TLE1: variants seen among roughly 807,000 people sequenced by gnomAD.
TLE1 encodes the protein TLE family member 1, transcriptional corepressor.
In TLE1, 21 loss-of-function variants were observed where a neutral mutation model predicts 89.8. That is an observed-to-expected ratio of 0.23 (90% confidence interval 0.17 to 0.34). TLE1 has a LOEUF of 0.34. Ranked by LOEUF, TLE1 falls within the 10% of genes least tolerant of loss-of-function variation. TLE1 has a pLI of 1.00. For synonymous variants in TLE1, 447 were observed against 407.6 expected, an observed-to-expected ratio of 1.10 and a Z score of -1.16; for missense variants, 795 against 1,031.2, an observed-to-expected ratio of 0.77 and a Z score of 3.14.
At chr9:81,629,688 C>T (rs1198997064) in intron 8 of TLE1, among the ~76,000 whole-genome samples, 1 of 152,208 alleles carries the variant, frequency 6.6e-6, no homozygotes, top group East Asian at 1.9e-4. Context: ...CACACCTAGG[C>T]TACTGCTCCT....
intron 8 of TLE1, chr9:81,620,858 A>T (rs1178875967): frequency 1.2e-6 from 1 of 829,200 alleles, no homozygotes; most frequent in Non-Finnish European, 1.8e-6. Flanking sequence ...TTGTATGTGG[A>T]TGTGTTTTTA....
At position 81,687,507 on chromosome 9, in the gene TLE1, G is replaced by A. The variant is rs563401075; in HGVS notation, c.25-73C>T. The A allele has an allele frequency of 2.4e-4, 279 of 1,139,258 alleles. 1 individual carries two copies. Among genetic ancestry groups the A allele is most frequent in the Middle Eastern group, 4.0e-4 (2 of 5,026 alleles). The allele number at this position is 1,139,258 out of a possible 1,614,324, so 70.6% of individuals were successfully genotyped here. On this transcript the variant is annotated intron_variant, in intron 1 of 19. Transcript: ENST00000376499. ...TGAATAAAGCAGTAAGTCAGAGAAGGCAAGAACGGGTGGGACATAAACATA... is the reference window on the plus strand; with the variant it reads ...TGAATAAAGCAGTAAGTCAGAGAAGACAAGAACGGGTGGGACATAAACATA...
chr9:81,679,268 T>C (rs1266230136), intron 4 of TLE1, among the ~76,000 whole-genome samples: 3 of 152,104 alleles, frequency 2.0e-5, no homozygotes, highest in Middle Eastern at 6.8e-3. Flanking sequence ...GGTGACTGGG[T>C]AGTCTACAAA....
chr9:81,689,200 G>A lies in TLE1; in HGVS notation c.-960C>T, dbSNP rs1272724635. The A allele has an allele frequency of 2.0e-5, 3 of 152,280 alleles. No individual in the cohort carries two copies. Among genetic ancestry groups the A allele is most frequent in the Non-Finnish European group, 4.4e-5 (3 of 68,084 alleles). 9.4% of individuals were successfully genotyped at this position (152,280 alleles called of 1,614,324 possible). ...GTGCTTCTCCGCAAAGGGCGCTCCA[G>A]CCCACTGCAAAGTTCTCTCACCACC... On this transcript the variant is annotated 5_prime_UTR_variant, in exon 1 of 20. Transcript: ENST00000376499.
intron 14 of TLE1, among the ~76,000 whole-genome samples, chr9:81,606,442 T>TA (rs1003312298): frequency 3.2e-4 from 49 of 152,164 alleles, no homozygotes; most frequent in African/African-American, 1.1e-3. Context: ...TATGCAGCCA[T>TA]AAAAAAGGAT....
At chr9:81,606,811 A>G (rs1261001041) in intron 14 of TLE1, among the ~76,000 whole-genome samples, 1 of 150,958 alleles carries the variant, frequency 6.6e-6, no homozygotes, top group Non-Finnish European at 1.5e-5. Context: ...ATAGAGAGAG[A>G]GGCAGTAAGA....
intron 8 of TLE1, among the ~76,000 whole-genome samples, chr9:81,632,741 G>A (rs1232971711): frequency 6.6e-6 from 1 of 151,342 alleles, no homozygotes; most frequent in Non-Finnish European, 1.5e-5. Context: ...CCTGTCCACT[G>A]AATTTCCTTC....
intron 4 of TLE1, among the ~76,000 whole-genome samples, chr9:81,667,961 C>T (rs981567661): frequency 1.4e-4 from 21 of 151,998 alleles, no homozygotes; most frequent in African/African-American, 4.8e-4. Context: ...GCCAAGAGTT[C>T]GAGATCAGCC....
At chr9:81,671,749 T>C (rs1414053407) in intron 4 of TLE1, among the ~76,000 whole-genome samples, 2 of 152,218 alleles carry the variant, frequency 1.3e-5, no homozygotes, top group African/African-American at 2.4e-5. Flanking sequence ...ATAAATATCA[T>C]AGCATCTAGG....
intron 2 of TLE1, 49 bp from the exon 3 acceptor site, chr9:81,685,945 T>G (rs2133181047): frequency 1.3e-6 from 2 of 1,595,818 alleles, no homozygotes; most frequent in Non-Finnish European, 1.7e-6. Context: ...GTCACTTGTT[T>G]TAACATCTGC....
intron 8 of TLE1, among the ~76,000 whole-genome samples, chr9:81,633,002 C>T (rs1412793238): frequency 1.3e-5 from 2 of 152,060 alleles, no homozygotes; most frequent in African/African-American, 4.8e-5. Context: ...TACAGTCAAC[C>T]AGACTTAGAA....
Position 81,611,932 on chromosome 9 carries a change from A to C in TLE1, c.1091T>G (p.Val364Gly). Reference protein sequence around the residue: ...AAAGLRTPLAVPGPYPAPFGM... With the variant: ...AAAGLRTPLAGPGPYPAPFGM... ...AAAAGGAGCAGGATATGGGCCGGGCACTGCCAGGGGTGTCCTCAAGCCAGC... is the reference window on the plus strand; with the variant it reads ...AAAAGGAGCAGGATATGGGCCGGGCCCTGCCAGGGGTGTCCTCAAGCCAGC... The change falls in exon 13 of 20, where the codon GTG (valine) becomes GGG (glycine). Residue 364 changes from valine to glycine, a missense_variant. Physicochemically the swap from Val to Gly is moderately radical, Grantham distance 109 (BLOSUM62 -3). Around this residue, in one of 4 missense-constraint regions of TLE1, gnomAD observed 468 missense variants for 509.1 expected, o/e 0.92. Transcript: ENST00000376499. 6.7e-7 allele frequency: 1 copy of C among 1,489,476 alleles called. No homozygotes were observed. Among genetic ancestry groups the C allele is most frequent in the Non-Finnish European group, 8.9e-7 (1 of 1,122,054 alleles). 92.3% of individuals were successfully genotyped at this position (1,489,476 alleles called of 1,614,324 possible).
chr9:81,609,190 T>C (rs1424866346), intron 14 of TLE1, among the ~76,000 whole-genome samples: 1 of 151,926 alleles, frequency 6.6e-6, no homozygotes, highest in Non-Finnish European at 1.5e-5. Context: ...GTTCAAGCGA[T>C]TCTCTGGTCT....
At chr9:81,681,491 A>G (rs1225937164) in intron 4 of TLE1, among the ~76,000 whole-genome samples, 1 of 151,744 alleles carries the variant, frequency 6.6e-6, no homozygotes, top group Non-Finnish European at 1.5e-5. Context: ...CGGAGGTTGC[A>G]GTGAGCCGAG....
At position 81,613,414 on chromosome 9, in the gene TLE1, G is replaced by GC. The variant is rs1563969473; in HGVS notation, c.1025dup (p.Lys343GlnfsTer10). The GC allele has an allele frequency of 6.2e-7, 1 of 1,614,104 alleles. No homozygotes were observed. Among genetic ancestry groups the GC allele is most frequent in the Non-Finnish European group, 8.5e-7 (1 of 1,179,966 alleles). On this transcript the variant is annotated frameshift_variant, in exon 12 of 20. Coordinates refer to ENST00000376499, the MANE Select transcript of TLE1 (RefSeq NM_005077.5). LOFTEE classifies it high-confidence loss of function. The stretch of plus-strand genomic sequence containing the variant: ...CGAGGGGGTCTATGGCTGGAGGCTT[G>GC]CCGAGACCTGGACGGAGGCCTGGAG...
intron 8 of TLE1, chr9:81,620,999 G>T (rs78255581): frequency 7.5e-6 from 3 of 397,776 alleles, no homozygotes; most frequent in Admixed American, 6.3e-5. Context: ...CAAAGGAAGC[G>T]GTGGGATTAA....
At chr9:81,655,852 C>CAA (rs5898754) in intron 4 of TLE1, among the ~76,000 whole-genome samples, 11 of 127,020 alleles carry the variant, frequency 8.7e-5, no homozygotes, top group East Asian at 4.9e-4. Context: ...GACCCTGTCT[C>CAA]AAAAAAAAAA....
chr9:81,675,280 T>G (rs1832732495), intron 4 of TLE1, among the ~76,000 whole-genome samples: 1 of 152,118 alleles, frequency 6.6e-6, no homozygotes, highest in Non-Finnish European at 1.5e-5. Context: ...AATTTGAAAT[T>G]TTTCATAATA....
chr9:81,669,417 C>G (rs1167027370), intron 4 of TLE1, among the ~76,000 whole-genome samples: 1 of 152,204 alleles, frequency 6.6e-6, no homozygotes, highest in Non-Finnish European at 1.5e-5. Flanking sequence ...GGGGAAATAA[C>G]CTTCTAAGCC....
Sources: gnomAD v4.1 joint callset for allele counts (sites outside exome capture counted in the v4.1 genomes callset) on GRCh38, gnomAD v4.1.1 for gene constraint, gnomAD v4.1.1 regional missense constraint, MANE v1.5 for transcripts, NCBI Gene and HGNC (gene_info 2026-07-23, HGNC 2026-07-21) for gene names.